Variants in ANGPT1 observed in about 807,000 individuals in gnomAD.
ANGPT1 encodes angiopoietin-1.
Under a neutral mutation model 62.2 loss-of-function variants are expected in ANGPT1, and 17 were observed. The observed-to-expected ratio is 0.27, with a 90% CI of 0.19 to 0.41. ANGPT1 has a LOEUF of 0.41. ANGPT1 is among the 10% of genes least tolerant of loss of function. The probability of loss-of-function intolerance (pLI) is 1.00; values close to 1 mark genes in which losing one functional copy is unlikely to be tolerated. For missense variants in ANGPT1, 478 were observed against 594.9 expected (o/e 0.80, Z 2.04); for synonymous variants, 199 against 198.9 (o/e 1.00, Z 0.00).
chr8:107,487,457 A>G (rs1812843915), intron 1 of ANGPT1, among the ~76,000 whole-genome samples: 1 of 152,154 alleles, frequency 6.6e-6, no homozygotes, highest in African/African-American at 2.4e-5. Context: ...TTTCTAAAAC[A>G]ATAAGAAAGT....
chr8:107,459,846 T>C (rs768019990), intron 1 of ANGPT1, among the ~76,000 whole-genome samples: 1 of 152,218 alleles, frequency 6.6e-6, no homozygotes, highest in Non-Finnish European at 1.5e-5. Context: ...GGGTGTTGAA[T>C]GAAAATTTAA....
At chr8:107,259,191 C>T (rs992561927) in intron 8 of ANGPT1, among the ~76,000 whole-genome samples, 4 of 152,134 alleles carry the variant, frequency 2.6e-5, no homozygotes, top group Non-Finnish European at 5.9e-5. Flanking sequence ...TACCTTGAAA[C>T]AGAGAATTTT....
At chr8:107,450,894 C>A (rs866909226) in intron 1 of ANGPT1, among the ~76,000 whole-genome samples, 10 of 151,850 alleles carry the variant, frequency 6.6e-5, no homozygotes, top group South Asian at 2.1e-4. Context: ...CCCACAATCA[C>A]CCCATGCAGT....
At chr8:107,395,225 G>GA (rs1816912463) in intron 1 of ANGPT1, among the ~76,000 whole-genome samples, 2 of 151,984 alleles carry the variant, frequency 1.3e-5, no homozygotes, top group Admixed American at 6.6e-5. Context: ...CATGCTGGGG[G>GA]ATAGGACTGG....
chr8:107,456,886 G>T (rs1361394392), intron 1 of ANGPT1, among the ~76,000 whole-genome samples: 1 of 152,018 alleles, frequency 6.6e-6, no homozygotes, highest in Non-Finnish European at 1.5e-5. Context: ...GCTAAGGAAT[G>T]AACTTATTTT....
chr8:107,352,149 T>G (rs1815946844), intron 1 of ANGPT1, among the ~76,000 whole-genome samples: 1 of 152,142 alleles, frequency 6.6e-6, no homozygotes, highest in African/African-American at 2.4e-5. Context: ...TAAAAACAAA[T>G]TCTGATAACA....
chr8:107,304,148 G>A (rs946368992), intron 4 of ANGPT1, among the ~76,000 whole-genome samples: 24 of 151,722 alleles, frequency 1.6e-4, no homozygotes, highest in African/African-American at 5.5e-4. Context: ...GTAAACACTA[G>A]AAGTCAAGTG....
chr8:107,483,470 C>T (rs185649769), intron 1 of ANGPT1, among the ~76,000 whole-genome samples: 1 of 152,200 alleles, frequency 6.6e-6, no homozygotes, highest in Admixed American at 6.5e-5. Context: ...GAGATACTGA[C>T]AGTTTCACCT....
chr8:107,334,005 G>GGAAGGAAA (rs1815496546), intron 3 of ANGPT1, among the ~76,000 whole-genome samples: 8 of 141,640 alleles, frequency 5.6e-5, no homozygotes, highest in African/African-American at 1.8e-4. Flanking sequence ...AGGGAAGGAA[G>GGAAGGAAA]GAAGGAAGGA....
intron 1 of ANGPT1, among the ~76,000 whole-genome samples, chr8:107,372,487 T>C (rs185284673): frequency 9.8e-5 from 15 of 152,316 alleles, no homozygotes; most frequent in Non-Finnish European, 1.8e-4. Context: ...TGTATTCTAA[T>C]AAAAGGCAGA....
intron 4 of ANGPT1, among the ~76,000 whole-genome samples, chr8:107,315,410 G>A (rs1009469169): frequency 6.6e-6 from 1 of 151,956 alleles, no homozygotes; most frequent in Admixed American, 6.6e-5. Flanking sequence ...TTGAATGCAG[G>A]TATATAATGA....
chr8:107,436,555 T>G (rs779775001), intron 1 of ANGPT1, among the ~76,000 whole-genome samples: 5 of 152,214 alleles, frequency 3.3e-5, no homozygotes, highest in Non-Finnish European at 5.9e-5. Context: ...GCTACCAATT[T>G]CAGCAACCTT....
intron 1 of ANGPT1, among the ~76,000 whole-genome samples, chr8:107,389,610 C>T (rs1250235983): frequency 6.6e-6 from 1 of 152,080 alleles, no homozygotes; most frequent in Non-Finnish European, 1.5e-5. Flanking sequence ...TCCTGAACAT[C>T]TTTTGTCTGT....
At chr8:107,472,579 A>G (rs539531198) in intron 1 of ANGPT1, among the ~76,000 whole-genome samples, 1 of 152,200 alleles carries the variant, frequency 6.6e-6, no homozygotes, top group East Asian at 1.9e-4. Context: ...TTTGTTAAAC[A>G]TATTCTATAT....
chr8:107,473,296 T>G (rs1366801157), intron 1 of ANGPT1, among the ~76,000 whole-genome samples: 1 of 152,066 alleles, frequency 6.6e-6, no homozygotes, highest in East Asian at 1.9e-4. Flanking sequence ...TTAATATTAA[T>G]CAGGAATTTC....
chr8:107,455,418 C>T (rs1439155822), intron 1 of ANGPT1, among the ~76,000 whole-genome samples: 2 of 152,022 alleles, frequency 1.3e-5, no homozygotes, highest in African/African-American at 2.4e-5. Flanking sequence ...TCATTGAATT[C>T]TCTGCTTACA....
chr8:107,392,981 G>A (rs1018856319), intron 1 of ANGPT1, among the ~76,000 whole-genome samples: 1 of 152,044 alleles, frequency 6.6e-6, no homozygotes. Context: ...ATATTGTTTT[G>A]ATTATGGCAG....
chr8:107,463,127 G>A (rs986312408), intron 1 of ANGPT1, among the ~76,000 whole-genome samples: 4 of 152,066 alleles, frequency 2.6e-5, no homozygotes, highest in African/African-American at 9.7e-5. Context: ...CATCTTTCTG[G>A]TAGACTCTTC....
chr8:107,286,350 A>T (rs866642386), intron 6 of ANGPT1, among the ~76,000 whole-genome samples: 21 of 152,176 alleles, frequency 1.4e-4, no homozygotes, highest in Non-Finnish European at 2.8e-4. Flanking sequence ...AACTTTTTTT[A>T]AAATTACGAA....
Sources: allele counts gnomAD v4.1 joint callset (sites outside exome capture counted in the v4.1 genomes callset), GRCh38; gene constraint gnomAD v4.1.1; transcripts MANE v1.5; gene names NCBI Gene and HGNC (gene_info 2026-07-23, HGNC 2026-07-21).